PPP3CC: variants seen among roughly 807,000 people sequenced by gnomAD.
PPP3CC encodes serine/threonine-protein phosphatase 2B catalytic subunit gamma isoform.
In PPP3CC, 35 loss-of-function variants were observed where a neutral mutation model predicts 60.3. The observed-to-expected ratio is 0.58, with a 90% CI of 0.44 to 0.77. PPP3CC has a LOEUF of 0.77. Ranked by LOEUF, PPP3CC falls within the 30% of genes least tolerant of loss-of-function variation. The pLI is 0.00. For synonymous variants in PPP3CC, 206 were observed against 224.3 expected (o/e 0.92, Z 0.73); for missense variants, 570 against 628.9 (o/e 0.91, Z 1.00).
intron 12 of PPP3CC, among the ~76,000 whole-genome samples, chr8:22,537,513 T>G (rs1418558548): frequency 6.6e-6 from 1 of 152,170 alleles, no homozygotes; most frequent in Non-Finnish European, 1.5e-5. Flanking sequence ...CTTCAAATGA[T>G]TAAACATAGA....
intron 1 of PPP3CC, among the ~76,000 whole-genome samples, chr8:22,464,581 C>T (rs900177322): frequency 3.3e-5 from 5 of 152,072 alleles, no homozygotes; most frequent in African/African-American, 7.2e-5. Context: ...AGAGTTTCGC[C>T]ATGTTGCGCA....
At chr8:22,532,116 G>GT (rs956834049) in intron 10 of PPP3CC, 109 bp from the exon 11 acceptor site, 15 of 746,516 alleles carry the variant, frequency 2.0e-5, no homozygotes, top group Non-Finnish European at 2.7e-5. Flanking sequence ...CTTCATTTCT[G>GT]TTTTTTAAAA....
At chr8:22,445,363 G>T (rs575760689) in intron 1 of PPP3CC, among the ~76,000 whole-genome samples, 1 of 151,956 alleles carries the variant, frequency 6.6e-6, no homozygotes, top group Non-Finnish European at 1.5e-5. Context: ...TGGATTTACC[G>T]AGGGTTTAAA....
intron 8 of PPP3CC, among the ~76,000 whole-genome samples, chr8:22,525,707 G>A (rs1195066589): frequency 1.3e-5 from 2 of 151,568 alleles, no homozygotes; most frequent in Admixed American, 1.3e-4. Flanking sequence ...ACAGGTGCAT[G>A]CCGCTACACC....
At chr8:22,539,350 G>T in intron 12 of PPP3CC, 119 bp from the exon 13 acceptor site, 4 of 895,134 alleles carry the variant, frequency 4.5e-6, no homozygotes, top group Non-Finnish European at 6.8e-6. Flanking sequence ...CTTTCATTAT[G>T]GATGGGGATA....
At chr8:22,513,510 A>G (rs1030919531) in intron 6 of PPP3CC, 78 bp downstream of exon 6, 5 of 1,444,062 alleles carry the variant, frequency 3.5e-6, no homozygotes, top group Non-Finnish European at 4.6e-6. Context: ...AGCATTTTAT[A>G]TTTCAAATCT....
intron 1 of PPP3CC, among the ~76,000 whole-genome samples, chr8:22,448,917 C>A (rs999699502): frequency 3.3e-5 from 5 of 152,138 alleles, no homozygotes; most frequent in African/African-American, 1.2e-4. Flanking sequence ...ATGATTCTTT[C>A]ACTTTTTAAA....
At chr8:22,452,186 T>C (rs939080562) in intron 1 of PPP3CC, among the ~76,000 whole-genome samples, 1 of 152,054 alleles carries the variant, frequency 6.6e-6, no homozygotes, top group African/African-American at 2.4e-5. Flanking sequence ...TGTGCTGCCA[T>C]GTCTGGCTAA....
At chr8:22,527,656 G>A (rs1839594858) in intron 9 of PPP3CC, 139 bp downstream of exon 9, 1 of 1,008,320 alleles carries the variant, frequency 9.9e-7, no homozygotes, top group African/African-American at 1.7e-5. Context: ...TTTTTTCTGA[G>A]ATGGAGTCTC....
At chr8:22,527,343 C>T (rs749735771) in intron 8 of PPP3CC, 49 bp from the exon 9 acceptor site, 2 of 1,597,166 alleles carry the variant, frequency 1.3e-6, no homozygotes, top group Non-Finnish European at 1.7e-6. Context: ...ATACCACTTG[C>T]CATGCCATGT....
chr8:22,473,998 G>T (rs776996707), intron 1 of PPP3CC, among the ~76,000 whole-genome samples: 28 of 151,988 alleles, frequency 1.8e-4, no homozygotes, highest in Non-Finnish European at 3.8e-4. Context: ...ACGTTCAAGC[G>T]ATTCTTCTGC....
intron 1 of PPP3CC, among the ~76,000 whole-genome samples, chr8:22,469,685 G>T (rs1837656171): frequency 6.6e-6 from 1 of 152,062 alleles, no homozygotes; most frequent in South Asian, 2.1e-4. Flanking sequence ...GAGCTAAGCT[G>T]CAGCCAACAG....
chr8:22,466,775 A>T lies in PPP3CC; in HGVS notation c.50-8179A>T, dbSNP rs138844400. On this transcript the variant is annotated intron_variant, in intron 1 of 13. Coordinates refer to ENST00000240139, the MANE Select transcript of PPP3CC (RefSeq NM_005605.5). ...ATTTTTTCTGTTTTTGCTTTTTGAG[A>T]TGGAGTCTCACTCTGTTGTCCAGGC... 3.1e-3 allele frequency among the ~76,000 whole-genome samples: 472 copies of T among 152,090 alleles called. 3 individuals carry two copies. The highest frequency in any genetic ancestry group is 0.011 in the African/African-American group (447 of 41,468).
intron 6 of PPP3CC, among the ~76,000 whole-genome samples, chr8:22,515,563 T>C (rs1379925985): frequency 2.0e-4 from 30 of 152,326 alleles, no homozygotes; most frequent in Non-Finnish European, 1.2e-4. Flanking sequence ...TTCTCCATAG[T>C]AGTGTACTAA....
At chr8:22,465,212 C>G (rs887788239) in intron 1 of PPP3CC, among the ~76,000 whole-genome samples, 1 of 152,106 alleles carries the variant, frequency 6.6e-6, no homozygotes, top group Non-Finnish European at 1.5e-5. Context: ...CTGCCTGGCT[C>G]AGCCTGCCAA....
rs187790156 is a variant in PPP3CC, at chr8:22,495,532, T to G, written c.373-2469T>G. ...GTTTTGTCAGTTTGGCCAAATTGTT[T>G]TTTTACTATGCAAATTATATTATTA... is the stretch of plus-strand genomic sequence containing the variant. On this transcript the variant is annotated intron_variant, in intron 3 of 13. Coordinates refer to ENST00000240139, the MANE Select transcript of PPP3CC (RefSeq NM_005605.5). Among the ~76,000 whole-genome samples the G allele has an allele frequency of 3.3e-5, 5 of 152,136 alleles. No homozygotes were observed. The East Asian group carries it at 9.7e-4, about 29-fold the overall frequency.
intron 4 of PPP3CC, among the ~76,000 whole-genome samples, chr8:22,505,474 T>G (rs983585929): frequency 6.6e-6 from 1 of 152,206 alleles, no homozygotes; most frequent in Non-Finnish European, 1.5e-5. Flanking sequence ...CATTGCAGCA[T>G]TTTTTAGAGT....
intron 1 of PPP3CC, among the ~76,000 whole-genome samples, chr8:22,461,421 G>C (rs1482119748): frequency 2.0e-5 from 3 of 151,980 alleles, no homozygotes; most frequent in Non-Finnish European, 4.4e-5. Flanking sequence ...ATTGGATGTT[G>C]GTAATATTAC....
chr8:22,465,660 C>T (rs1339043718), intron 1 of PPP3CC, among the ~76,000 whole-genome samples: 1 of 152,098 alleles, frequency 6.6e-6, no homozygotes, highest in African/African-American at 2.4e-5. Context: ...AGATGCCTGG[C>T]CCCTCAATCT....
Sources: allele counts gnomAD v4.1 joint callset (sites outside exome capture counted in the v4.1 genomes callset), GRCh38; gene constraint gnomAD v4.1.1; transcripts MANE v1.5; gene names NCBI Gene and HGNC (gene_info 2026-07-23, HGNC 2026-07-21).